The following ZNF69 variants were observed in gnomAD, a reference collection of about 807,000 sequenced individuals.
The protein encoded by ZNF69 is ZNF3.
In ZNF69, 47 loss-of-function variants were observed where a neutral mutation model predicts 50.9. The observed-to-expected ratio is 0.92, with a 90% CI of 0.73 to 1.18. ZNF69 has a LOEUF of 1.18. Among genes scored for constraint, ZNF69 ranks in the 50% most tolerant of loss-of-function variants. The probability of loss-of-function intolerance (pLI) is 0.00; values close to 1 mark genes in which losing one functional copy is unlikely to be tolerated. For synonymous variants in ZNF69, 216 were observed against 223.1 expected (o/e 0.97, Z 0.29); for missense variants, 717 against 675.1 (o/e 1.06, Z -0.69).
chr19:11,927,841 C>A, the ZNF69 span, among the ~76,000 whole-genome samples: 3 of 152,164 alleles, frequency 2.0e-5, no homozygotes, highest in Non-Finnish European at 4.4e-5. Flanking sequence ...TTGTGACTGA[C>A]AAGGAGTGTT....
At chr19:11,950,469 C>T in the ZNF69 span, 5 of 690,226 alleles carry the variant, frequency 7.2e-6, no homozygotes, top group Non-Finnish European at 1.3e-5. Flanking sequence ...GAGAGAAACC[C>T]TATGAGTGTA....
the ZNF69 span, among the ~76,000 whole-genome samples, chr19:11,937,990 C>T: frequency 5.3e-5 from 8 of 152,150 alleles, no homozygotes; most frequent in South Asian, 2.1e-4. Flanking sequence ...ACATGCTTAG[C>T]GTTCCAAAAA....
At chr19:11,978,120 C>T in the ZNF69 span, 28 of 1,611,352 alleles carry the variant, frequency 1.7e-5, no homozygotes, top group Non-Finnish European at 2.3e-5. Context: ...TGACAGGAGT[C>T]TCATAGAAGG....
the ZNF69 span, among the ~76,000 whole-genome samples, chr19:11,946,376 G>A: frequency 3.3e-5 from 5 of 152,112 alleles, no homozygotes; most frequent in Non-Finnish European, 7.4e-5. Context: ...GGGCATTGCT[G>A]TGCCATTTCC....
chr19:11,949,670 A>G, the ZNF69 span: 55 of 1,610,608 alleles, frequency 3.4e-5, no homozygotes, highest in Non-Finnish European at 4.3e-5. Context: ...AGATGTTGCA[A>G]TTCCCTTCGA....
chr19:11,977,884 T>C, the ZNF69 span, among the ~76,000 whole-genome samples: 3 of 152,210 alleles, frequency 2.0e-5, no homozygotes, highest in Non-Finnish European at 2.9e-5. Context: ...GAGTATTTAG[T>C]ACTTGTAAAA....
intron 2 of ZNF69, 41 bp downstream of exon 2, chr19:11,903,740 C>G: frequency 6.2e-7 from 1 of 1,610,450 alleles, no homozygotes. Flanking sequence ...ATTAGTGAAC[C>G]AGTGTTTCTA....
chr19:11,913,717 T>C (rs1471878315), exon 5 of ZNF69: 1 of 199,438 alleles, frequency 5.0e-6, no homozygotes, highest in Non-Finnish European at 1.0e-5. Flanking sequence ...TCAGTCATAA[T>C]ACCAACAGTT....
the ZNF69 span, among the ~76,000 whole-genome samples, chr19:11,954,995 A>ATTTT: frequency 2.1e-5 from 3 of 146,120 alleles, no homozygotes; most frequent in Non-Finnish European, 3.0e-5. Context: ...GTTTCAAAAA[A>ATTTT]ATTTTTTTTT....
the ZNF69 span, among the ~76,000 whole-genome samples, chr19:11,964,108 G>A: frequency 8.9e-4 from 136 of 152,362 alleles, 1 homozygote; most frequent in Non-Finnish European, 2.5e-4. Flanking sequence ...GGCCAGTGTG[G>A]ATCCTGCAAA....
chr19:11,943,729 C>T, the ZNF69 span, among the ~76,000 whole-genome samples: 4 of 152,156 alleles, frequency 2.6e-5, no homozygotes, highest in Non-Finnish European at 5.9e-5. Context: ...TGTTGCCCTA[C>T]CTCAGTAACC....
chr19:11,977,775 A>G, the ZNF69 span, among the ~76,000 whole-genome samples: 1 of 152,168 alleles, frequency 6.6e-6, no homozygotes, highest in African/African-American at 2.4e-5. Context: ...AGGATCACTC[A>G]AGCCCCCAGG....
At chr19:11,915,512 C>G (rs1285409545), downstream of ZNF69, among the ~76,000 whole-genome samples, 2 of 152,190 alleles carry the variant, frequency 1.3e-5, no homozygotes, top group African/African-American at 4.8e-5. Context: ...GACACTGGAG[C>G]ACAGGCCCAA....
At chr19:11,943,177 G>T in the ZNF69 span, among the ~76,000 whole-genome samples, 1 of 152,194 alleles carries the variant, frequency 6.6e-6, no homozygotes, top group Non-Finnish European at 1.5e-5. Context: ...TCCAAATACA[G>T]ATTTAGGATT....
At chr19:11,908,920 G>A (rs183848811), downstream of ZNF69, among the ~76,000 whole-genome samples, 1,402 of 151,892 alleles carry the variant, frequency 9.2e-3, 12 homozygotes, top group African/African-American at 0.028. Flanking sequence ...TTGATAGACC[G>A]CCAGCAAGAC....
exon 5 of ZNF69, chr19:11,913,688 C>T (rs892042900): frequency 2.5e-5 from 6 of 242,272 alleles, no homozygotes; most frequent in South Asian, 1.7e-4. Flanking sequence ...CATGCCCAGC[C>T]GCAACCCTAA....
the ZNF69 span, chr19:11,946,723 T>C: frequency 2.6e-5 from 4 of 153,354 alleles, no homozygotes; most frequent in African/African-American, 9.7e-5. Context: ...AACTCCATAG[T>C]CTCCCTTAAA....
the ZNF69 span, chr19:11,980,143 A>G: frequency 1.3e-6 from 1 of 762,698 alleles, no homozygotes; most frequent in Non-Finnish European, 2.1e-6. Context: ...CTGGATAGAA[A>G]CCAAAGCAGG....
chr19:11,899,790 C>T (rs2040191600), intron 1 of ZNF69, among the ~76,000 whole-genome samples: 1 of 152,156 alleles, frequency 6.6e-6, no homozygotes, highest in Non-Finnish European at 1.5e-5. Flanking sequence ...TAAGACCATG[C>T]TTATTTTCTT....
Sources: gnomAD v4.1 joint callset for allele counts (sites outside exome capture counted in the v4.1 genomes callset) on GRCh38, gnomAD v4.1.1 for gene constraint, MANE v1.5 for transcripts, NCBI Gene and HGNC (gene_info 2026-07-23, HGNC 2026-07-21) for gene names.